SMPD3: variants seen among roughly 807,000 people sequenced by gnomAD.
The protein encoded by SMPD3 is nSMase-2.
In SMPD3, 21 loss-of-function variants were observed where a neutral mutation model predicts 55.7. That is an observed-to-expected ratio of 0.38 (90% confidence interval 0.27 to 0.54). The LOEUF (loss-of-function observed/expected upper bound fraction) is 0.54, where lower values mean the gene tolerates loss of function less well. SMPD3 is among the 20% of genes least tolerant of loss of function. The pLI is 0.80. For missense variants in SMPD3, 842 were observed against 899.6 expected, an observed-to-expected ratio of 0.94 and a Z score of 0.82; for synonymous variants, 457 against 404.3, an observed-to-expected ratio of 1.13 and a Z score of -1.56.
chr16:68,372,458 C>T lies in SMPD3; in HGVS notation c.-206-71G>A, dbSNP rs2089697011. The T allele has an allele frequency of 5.9e-6, 3 of 505,674 alleles. No homozygotes were observed. The East Asian group carries it at 1.1e-4, about 18-fold the overall frequency. 31.3% of individuals were successfully genotyped at this position (505,674 alleles called of 1,614,324 possible). Reference sequence around the variant, plus strand: ...GAGTGGGTCAGATATGGGGCCTTTGCCCCAGCTCATCCCACTCCTGCTTCC... The same window carrying T: ...GAGTGGGTCAGATATGGGGCCTTTGTCCCAGCTCATCCCACTCCTGCTTCC... On this transcript the variant is annotated intron_variant, in intron 2 of 8. Transcript: ENST00000219334.
At chr16:68,444,997 A>C (rs1400241918) in intron 1 of SMPD3, among the ~76,000 whole-genome samples, 1 of 152,232 alleles carries the variant, frequency 6.6e-6, no homozygotes, top group Non-Finnish European at 1.5e-5. Flanking sequence ...GGATTTTGTG[A>C]CTGCAAGAAA....
chr16:68,398,932 A>C (rs1466923573), intron 1 of SMPD3, among the ~76,000 whole-genome samples: 2 of 152,236 alleles, frequency 1.3e-5, no homozygotes, highest in African/African-American at 4.8e-5. Context: ...CTCCAGGTCA[A>C]GGAAGCCTTT....
chr16:68,422,329 T>C (rs967878826), intron 1 of SMPD3, among the ~76,000 whole-genome samples: 1 of 152,188 alleles, frequency 6.6e-6, no homozygotes, highest in African/African-American at 2.4e-5. Context: ...TCATGGAATC[T>C]GAATTAACCT....
rs893603981 is a variant in SMPD3, at chr16:68,404,700, A to G, written c.-268-18041T>C. ...GAGGTGCTAGCCCCCAGAGGCTGTT[A>G]TCTTTGTATAGATGCTGGGGGCATC... On this transcript the variant is annotated intron_variant, in intron 1 of 8. Coordinates refer to ENST00000219334, the MANE Select transcript of SMPD3 (RefSeq NM_018667.4). The surrounding 1 kb of genome is among the most constrained non-coding windows in gnomAD (Gnocchi z 4.0). 1.1e-4 allele frequency among the ~76,000 whole-genome samples: 17 copies of G among 152,296 alleles called. No individual in the cohort carries two copies. Among genetic ancestry groups the G allele is most frequent in the Admixed American group, 1.1e-3 (17 of 15,304 alleles).
chr16:68,431,564 A>C (rs1273769988), intron 1 of SMPD3, among the ~76,000 whole-genome samples: 7 of 152,152 alleles, frequency 4.6e-5, no homozygotes, highest in Non-Finnish European at 1.0e-4. Flanking sequence ...TGACATGAGA[A>C]TACTAATAAC....
chr16:68,382,756 G>A (rs548561558), intron 2 of SMPD3, among the ~76,000 whole-genome samples: 1 of 152,340 alleles, frequency 6.6e-6, no homozygotes, highest in African/African-American at 2.4e-5. Context: ...CTCCAGGAGG[G>A]GCAGCTGGGG....
At position 68,404,636 on chromosome 16, in the gene SMPD3, G is replaced by A. The variant is rs1482273524; in HGVS notation, c.-268-17977C>T. Among the ~76,000 whole-genome samples, 1 of 152,182 alleles carries A rather than the reference G, an allele frequency of 6.6e-6. No individual in the cohort carries two copies. Among genetic ancestry groups the A allele is most frequent in the African/African-American group, 2.4e-5 (1 of 41,444 alleles). ...GACTTGTCAGGGGTTCCCCAGGTAGGAAATAGGGGTCACCTGTGCCCCCAG... is the reference window on the plus strand; with the variant it reads ...GACTTGTCAGGGGTTCCCCAGGTAGAAAATAGGGGTCACCTGTGCCCCCAG... On this transcript the variant is annotated intron_variant, in intron 1 of 8. Coordinates refer to ENST00000219334, the MANE Select transcript of SMPD3 (RefSeq NM_018667.4). The surrounding 1 kb of genome is among the most constrained non-coding windows in gnomAD (Gnocchi z 4.0).
chr16:68,361,645 G>A lies in SMPD3; in HGVS notation c.1824C>T (p.Tyr608=). 2 of 1,611,456 alleles carry A rather than the reference G, an allele frequency of 1.2e-6. No individual in the cohort carries two copies. Among genetic ancestry groups the A allele is most frequent in the Non-Finnish European group, 1.7e-6 (2 of 1,179,960 alleles). Residue 608 remains tyrosine, a synonymous_variant, in exon 8 of 9, where the codon TAC becomes TAT. Coordinates refer to ENST00000219334, the MANE Select transcript of SMPD3 (RefSeq NM_018667.4). Reference sequence around the variant, plus strand: ...ACAGCCCCTCCTCTGCATGCAGCATGTAGTCGATGCGCCGGCCGTTGCCCT... The same window carrying A: ...ACAGCCCCTCCTCTGCATGCAGCATATAGTCGATGCGCCGGCCGTTGCCCT... ...LLKGNGRRID[Y]MLHAEEGLCP...
chr16:68,392,281 A>C (rs2090118268), intron 1 of SMPD3, among the ~76,000 whole-genome samples: 1 of 152,146 alleles, frequency 6.6e-6, no homozygotes, highest in South Asian at 2.1e-4. Context: ...TTATTATTTT[A>C]ATTTTTTATT....
intron 1 of SMPD3, among the ~76,000 whole-genome samples, chr16:68,395,947 G>A (rs920679070): frequency 6.6e-6 from 1 of 152,214 alleles, no homozygotes; most frequent in Non-Finnish European, 1.5e-5. Context: ...AGGGAGCAGA[G>A]TCCTGTCCCA....
intron 8 of SMPD3, 38 bp downstream of exon 8, chr16:68,361,565 C>CT: frequency 1.2e-6 from 2 of 1,600,820 alleles, no homozygotes; most frequent in Non-Finnish European, 1.7e-6. Context: ...CCTGCTCTCT[C>CT]TTTGCATGGC....
intron 2 of SMPD3, among the ~76,000 whole-genome samples, chr16:68,379,860 G>A (rs1437457170): frequency 6.6e-6 from 1 of 152,260 alleles, no homozygotes; most frequent in East Asian, 1.9e-4. Flanking sequence ...AAGTCAGAAA[G>A]CCCAGATGAA....
chr16:68,405,537 C>T (rs571265944), intron 1 of SMPD3, among the ~76,000 whole-genome samples: 2 of 123,080 alleles, frequency 1.6e-5, no homozygotes, highest in African/African-American at 6.0e-5. Context: ...CAGAGCAAGA[C>T]CCTGTCTCAA....
At position 68,409,002 on chromosome 16, in the gene SMPD3, G is replaced by C. The variant is rs527304941; in HGVS notation, c.-268-22343C>G. Among the ~76,000 whole-genome samples, 368 of 152,300 alleles carry C rather than the reference G, an allele frequency of 2.4e-3. 4 individuals carry two copies. The highest frequency in any genetic ancestry group is 8.3e-3 in the African/African-American group (344 of 41,574). On this transcript the variant is annotated intron_variant, in intron 1 of 8. Transcript: ENST00000219334. ...AGTGCACACCAAGAGGCTCCACCTA[G>C]GTCGCTGAGGTCTCACAAGGGCCCT...
chr16:68,444,606 C>G (rs530808548), intron 1 of SMPD3, among the ~76,000 whole-genome samples: 48 of 152,232 alleles, frequency 3.2e-4, no homozygotes, highest in African/African-American at 1.2e-3. Context: ...GGCTTCAGTA[C>G]AAGGATTAAA....
rs561174745 is a variant in SMPD3, at chr16:68,404,990, G to A, written c.-268-18331C>T. 2.0e-5 allele frequency among the ~76,000 whole-genome samples: 3 copies of A among 152,328 alleles called. No homozygotes were observed. The highest frequency in any genetic ancestry group is 6.5e-5 in the Admixed American group (1 of 15,302). On this transcript the variant is annotated intron_variant, in intron 1 of 8. Coordinates refer to ENST00000219334, the MANE Select transcript of SMPD3 (RefSeq NM_018667.4). This position sits in a 1 kb window ranked among gnomAD's most constrained non-coding sequence, Gnocchi z 4.0. ...CTCTTATCCGGGCATTTGGTAACTCGAGGAAAATGGACTTTTCCTCTTCTG... is the reference window on the plus strand; with the variant it reads ...CTCTTATCCGGGCATTTGGTAACTCAAGGAAAATGGACTTTTCCTCTTCTG...
intron 1 of SMPD3, among the ~76,000 whole-genome samples, chr16:68,417,878 T>C (rs949455824): frequency 3.9e-5 from 6 of 152,178 alleles, no homozygotes; most frequent in African/African-American, 1.4e-4. Flanking sequence ...TGTCTGCCGG[T>C]TACCAGCTCT....
In SMPD3 at chr16:68,420,792, G is replaced by A. The variant is rs190238931; in HGVS notation, c.-269+27561C>T. ...TGTTCACATGAGGCCTCTCAGTCAA[G>A]GCCTCAGAGCACTTTGTAAGCATTA... On this transcript the variant is annotated intron_variant, in intron 1 of 8. Transcript: ENST00000219334. 2.6e-4 allele frequency among the ~76,000 whole-genome samples: 39 copies of A among 152,320 alleles called. 1 individual carries two copies. The highest frequency in any genetic ancestry group is 8.7e-4 in the African/African-American group (36 of 41,570).
chr16:68,377,658 C>T (rs2089850705), intron 2 of SMPD3, among the ~76,000 whole-genome samples: 1 of 152,200 alleles, frequency 6.6e-6, no homozygotes, highest in Non-Finnish European at 1.5e-5. Context: ...CCAGGCTGGT[C>T]CTGTCTGGAC....
Sources: allele counts gnomAD v4.1 joint callset (sites outside exome capture counted in the v4.1 genomes callset), GRCh38; gene constraint gnomAD v4.1.1; non-coding constraint Gnocchi (gnomAD v3.1); transcripts MANE v1.5; gene names NCBI Gene and HGNC (gene_info 2026-07-23, HGNC 2026-07-21).